The following SORCS2 variants were observed in gnomAD, a reference collection of about 807,000 sequenced individuals.
The protein encoded by SORCS2 is VPS10 domain-containing receptor SorCS2.
A neutral mutation model predicts 141.6 loss-of-function variants in SORCS2; 100 were observed. The observed-to-expected ratio is 0.71, with a 90% CI of 0.60 to 0.83. The LOEUF is 0.83. Among genes scored for constraint, SORCS2 ranks in the 40% least tolerant of loss-of-function variants. The pLI, the probability that SORCS2 is intolerant of heterozygous loss-of-function variation, is 0.00. For synonymous variants in SORCS2, 789 were observed against 676.9 expected (o/e 1.17, Z -2.57); for missense variants, 1,646 against 1,560.2 (o/e 1.05, Z -0.93).
At chr4:7,255,897 GGGGCT>G (rs1713833338) in intron 1 of SORCS2, among the ~76,000 whole-genome samples, 7 of 6,154 alleles carry the variant, frequency 1.1e-3, no homozygotes, top group South Asian at 5.7e-3. Context: ...GTGGGGACCC[GGGGCT>G]GGAGCGTGGG....
At position 7,676,245 on chromosome 4, in the gene SORCS2, A is replaced by T. The variant is rs1723100038; in HGVS notation, c.1341+16A>T. ...CATCCTGGAGGTGGGTCCAGGGTGG[A>T]TGTGGGCCAGGTCTGCCGCCGACCC... On this transcript the variant is annotated intron_variant, in intron 9 of 26. Coordinates refer to ENST00000507866, the MANE Select transcript of SORCS2 (RefSeq NM_020777.3). The T allele has an allele frequency of 6.5e-7, 1 of 1,547,788 alleles. No individual in the cohort carries two copies. The highest frequency in any genetic ancestry group is 8.7e-7 in the Non-Finnish European group (1 of 1,145,404).
chr4:7,338,177 A>G lies in SORCS2; in HGVS notation c.481-58111A>G, dbSNP rs530371437. Among the ~76,000 whole-genome samples, 28 of 144,188 alleles carry G rather than the reference A, an allele frequency of 1.9e-4. 1 individual carries two copies. In the East Asian group the frequency reaches 5.6e-3, roughly 29 times the overall value. The allele number at this position is 144,188 out of a possible 152,430, so 94.6% of individuals were successfully genotyped here. A position where few individuals can be genotyped will look rare whatever the true frequency, so the allele number is the denominator to read the frequency against. ...GGATGTTGGTTGGATGGATGGATGG[A>G]TGGATGTTGGATGTTGGATGGATGT... On this transcript the variant is annotated intron_variant, in intron 1 of 26. Transcript: ENST00000507866.
chr4:7,638,847 C>G (rs1437976390), intron 4 of SORCS2, among the ~76,000 whole-genome samples: 1 of 152,346 alleles, frequency 6.6e-6, no homozygotes, highest in Middle Eastern at 3.4e-3. Flanking sequence ...ACTTCCAGAA[C>G]ATTGCGCACA....
intron 1 of SORCS2, among the ~76,000 whole-genome samples, chr4:7,369,144 TA>T (rs1320696819): frequency 1.3e-5 from 2 of 151,962 alleles, no homozygotes; most frequent in Non-Finnish European, 2.9e-5. Flanking sequence ...CTGTCTCCAC[TA>T]AAAAATACAA....
intron 1 of SORCS2, among the ~76,000 whole-genome samples, chr4:7,329,094 C>A (rs1020929796): frequency 6.6e-6 from 1 of 152,214 alleles, no homozygotes; most frequent in Non-Finnish European, 1.5e-5. Context: ...CAAGCCTGTG[C>A]CCCAGCCCTG....
intron 1 of SORCS2, among the ~76,000 whole-genome samples, chr4:7,235,850 C>T (rs1025016748): frequency 3.3e-4 from 50 of 152,276 alleles, no homozygotes; most frequent in African/African-American, 1.1e-3. Flanking sequence ...GGCAGCTTAT[C>T]GTGGCAGGCG....
chr4:7,534,337 C>A (rs903030815), intron 3 of SORCS2, among the ~76,000 whole-genome samples: 7 of 151,534 alleles, frequency 4.6e-5, no homozygotes, highest in South Asian at 2.1e-4. Context: ...GGTCCCCCCC[C>A]ATCAGGGAGC....
intron 3 of SORCS2, among the ~76,000 whole-genome samples, chr4:7,538,114 C>G (rs1712279080): frequency 6.6e-6 from 1 of 152,178 alleles, no homozygotes; most frequent in African/African-American, 2.4e-5. Context: ...AGGTCTGCCT[C>G]TCTGTTATTG....
chr4:7,740,518 C>A lies in SORCS2; in HGVS notation c.*254C>A, dbSNP rs1025615969. ...CCAGGCCTGACTCAGGCAGGTTCTG[C>A]CCCCCAGACCCCACACACGGCCGCC... On this transcript the variant is annotated 3_prime_UTR_variant, in exon 27 of 27. Transcript: ENST00000507866. 6 of 535,666 alleles carry A rather than the reference C, an allele frequency of 1.1e-5. No homozygotes were observed. The highest frequency in any genetic ancestry group is 5.7e-5 in the African/African-American group (3 of 52,790). 33.2% of individuals were successfully genotyped at this position (535,666 alleles called of 1,614,324 possible). A position where few individuals can be genotyped will look rare whatever the true frequency, so the allele number is the denominator to read the frequency against.
chr4:7,575,742 C>A (rs1388680592), intron 3 of SORCS2, among the ~76,000 whole-genome samples: 1 of 152,218 alleles, frequency 6.6e-6, no homozygotes, highest in Non-Finnish European at 1.5e-5. Flanking sequence ...TGGCTTAGTG[C>A]TGACCGGTGT....
At chr4:7,202,144 T>C (rs1286615428) in intron 1 of SORCS2, among the ~76,000 whole-genome samples, 1 of 152,214 alleles carries the variant, frequency 6.6e-6, no homozygotes, top group Non-Finnish European at 1.5e-5. Context: ...TGACCTGCTC[T>C]GCAAGGCTGT....
intron 2 of SORCS2, among the ~76,000 whole-genome samples, chr4:7,516,533 C>T (rs551898020): frequency 5.1e-4 from 77 of 152,100 alleles, no homozygotes; most frequent in Admixed American, 6.5e-4. Context: ...AGATTTTATC[C>T]GCTTGCAAAA....
intron 2 of SORCS2, among the ~76,000 whole-genome samples, chr4:7,407,009 T>C (rs1725009593): frequency 6.6e-6 from 1 of 152,158 alleles, no homozygotes; most frequent in Admixed American, 6.5e-5. Context: ...CTTCTTGTAA[T>C]TGATTTCTAG....
intron 2 of SORCS2, among the ~76,000 whole-genome samples, chr4:7,461,991 A>T (rs1443665144): frequency 5.3e-5 from 8 of 152,202 alleles, no homozygotes. Context: ...TCTGAAAGGC[A>T]CCGCATCAGG....
Position 7,403,961 on chromosome 4 carries a change from G to A in SORCS2, c.548+7606G>A, listed in dbSNP as rs62277584. ...TGTCATTTTCTCTGCCTCCATGTGTGTATATATATATATATATATATATAT... is the reference window on the plus strand; with the variant it reads ...TGTCATTTTCTCTGCCTCCATGTGTATATATATATATATATATATATATAT... On this transcript the variant is annotated intron_variant, in intron 2 of 26. Coordinates refer to ENST00000507866, the MANE Select transcript of SORCS2 (RefSeq NM_020777.3). 2.6e-3 allele frequency among the ~76,000 whole-genome samples: 79 copies of A among 29,820 alleles called. 1 individual carries two copies. Among genetic ancestry groups the A allele is most frequent in the Admixed American group, 4.7e-3 (12 of 2,546 alleles). 19.6% of individuals were successfully genotyped at this position (29,820 alleles called of 152,430 possible). A position where few individuals can be genotyped will look rare whatever the true frequency, so the allele number is the denominator to read the frequency against.
chr4:7,316,423 C>T (rs1476216231), intron 1 of SORCS2, among the ~76,000 whole-genome samples: 1 of 152,160 alleles, frequency 6.6e-6, no homozygotes, highest in African/African-American at 2.4e-5. Flanking sequence ...TTCTATATGC[C>T]AGTTTAGCCT....
chr4:7,243,678 G>A (rs183198376), intron 1 of SORCS2, among the ~76,000 whole-genome samples: 53 of 152,366 alleles, frequency 3.5e-4, no homozygotes, highest in African/African-American at 1.2e-3. Flanking sequence ...GCGGGTGGTC[G>A]TTGGCATGAA....
intron 26 of SORCS2, among the ~76,000 whole-genome samples, chr4:7,738,274 C>A (rs1024369050): frequency 6.6e-6 from 1 of 152,370 alleles, no homozygotes; most frequent in South Asian, 2.1e-4. Context: ...CCCTGCATGC[C>A]GTGTCGGGCA....
At chr4:7,661,393 G>T in intron 5 of SORCS2, 107 bp from the exon 6 acceptor site, 1 of 1,176,640 alleles carries the variant, frequency 8.5e-7, no homozygotes, top group Non-Finnish European at 1.2e-6. Context: ...GAGCAAGGGC[G>T]GCTTCAGAAC....
Sources: allele counts gnomAD v4.1 joint callset (sites outside exome capture counted in the v4.1 genomes callset), GRCh38; gene constraint gnomAD v4.1.1; transcripts MANE v1.5; gene names NCBI Gene and HGNC (gene_info 2026-07-23, HGNC 2026-07-21).